UBE2H: variants seen among roughly 807,000 people sequenced by gnomAD.
The protein encoded by UBE2H is ubiquitin-conjugating enzyme E2 H.
Under a neutral mutation model 29.0 loss-of-function variants are expected in UBE2H, and 3 were observed. The observed-to-expected ratio is 0.10, with a 90% CI of 0.05 to 0.27. The LOEUF (loss-of-function observed/expected upper bound fraction) is 0.27. Ranked by LOEUF, UBE2H falls within the 10% of genes least tolerant of loss-of-function variation. The pLI is 1.00. For synonymous variants in UBE2H, 69 were observed against 82.9 expected (o/e 0.83, Z 0.91); for missense variants, 68 against 228.2 (o/e 0.30, Z 4.52).
intron 6 of UBE2H, among the ~76,000 whole-genome samples, chr7:129,836,908 AAAAGG>A (rs1327146671): frequency 6.9e-6 from 1 of 144,832 alleles, no homozygotes; most frequent in Non-Finnish European, 1.5e-5. Flanking sequence ...AAAAAAAAAA[AAAAGG>A]AGTAAGGGCA....
chr7:129,949,153 G>A (rs903238471), intron 1 of UBE2H: 2 of 361,702 alleles, frequency 5.5e-6, no homozygotes, highest in Admixed American at 3.2e-5. Context: ...GGTGAGACGA[G>A]TAACCCCCAC....
chr7:129,872,915 A>G (rs1203952814), intron 3 of UBE2H, among the ~76,000 whole-genome samples: 1 of 141,120 alleles, frequency 7.1e-6, no homozygotes, highest in Non-Finnish European at 1.5e-5. Context: ...CCAGACTGGG[A>G]GATTTAAGAG....
intron 1 of UBE2H, among the ~76,000 whole-genome samples, chr7:129,885,532 C>T (rs765867996): frequency 1.3e-5 from 2 of 152,142 alleles, no homozygotes; most frequent in African/African-American, 2.4e-5. Context: ...TCCATACTTA[C>T]GTGTATTTTA....
At chr7:129,914,268 A>G in intron 1 of UBE2H, among the ~76,000 whole-genome samples, 1 of 152,082 alleles carries the variant, frequency 6.6e-6, no homozygotes, top group African/African-American at 2.4e-5. Context: ...CCCAGGTTCA[A>G]GCGATTCTCC....
At chr7:129,941,017 C>A (rs2116516887) in intron 1 of UBE2H, among the ~76,000 whole-genome samples, 1 of 151,992 alleles carries the variant, frequency 6.6e-6, no homozygotes, top group African/African-American at 2.4e-5. Flanking sequence ...TACAATGGCA[C>A]CATCTCAGCT....
Position 129,870,853 on chromosome 7 carries a change from GGCC to G in UBE2H, c.205+8712_205+8714del, listed in dbSNP as rs1466635116. Among the ~76,000 whole-genome samples, 253 of 152,306 alleles carry G rather than the reference GGCC, an allele frequency of 1.7e-3. 2 individuals carry two copies. Among genetic ancestry groups the G allele is most frequent in the African/African-American group, 5.8e-3 (241 of 41,560 alleles). On this transcript the variant is annotated intron_variant, in intron 3 of 6. Transcript: ENST00000355621. ...GTGAACTCAACCCTGCCTGCCACTT[GGCC>G]CGTGTGTCACACACCTCACATTTTA...
intron 3 of UBE2H, among the ~76,000 whole-genome samples, chr7:129,868,898 T>C (rs2727465): frequency 0.95 from 142,645 of 150,760 alleles, 67,886 homozygotes; most frequent in East Asian, 1. Flanking sequence ...GGTGACAATA[T>C]AGACCATACT....
intron 1 of UBE2H, among the ~76,000 whole-genome samples, chr7:129,922,668 TGA>T (rs1468429849): frequency 6.6e-6 from 1 of 152,202 alleles, no homozygotes; most frequent in East Asian, 1.9e-4. Context: ...GCCAAAAATA[TGA>T]GATAGCAAAT....
intron 1 of UBE2H, among the ~76,000 whole-genome samples, chr7:129,934,721 T>C (rs947866691): frequency 6.7e-6 from 1 of 149,580 alleles, no homozygotes; most frequent in Non-Finnish European, 1.5e-5. Context: ...AAAGGAGTAA[T>C]TTCAACTGCT....
intron 4 of UBE2H, 55 bp downstream of exon 4, chr7:129,858,847 C>T: frequency 1.3e-6 from 2 of 1,516,772 alleles, no homozygotes; most frequent in Non-Finnish European, 1.8e-6. Flanking sequence ...CACAGAGAAA[C>T]ACTAATCATG....
chr7:129,930,909 C>CAAAA (rs71175050), intron 1 of UBE2H, among the ~76,000 whole-genome samples: 1,666 of 34,136 alleles, frequency 0.049, 95 homozygotes, highest in Admixed American at 0.083. Context: ...CCCCGTCTCA[C>CAAAA]AAAAAAAAAA....
At chr7:129,845,761 C>A (rs2116283669) in intron 5 of UBE2H, among the ~76,000 whole-genome samples, 1 of 152,348 alleles carries the variant, frequency 6.6e-6, no homozygotes, top group African/African-American at 2.4e-5. Flanking sequence ...GACCACAAGT[C>A]TAATCTCAGG....
At chr7:129,940,725 C>T (rs1206103913) in intron 1 of UBE2H, among the ~76,000 whole-genome samples, 1 of 152,152 alleles carries the variant, frequency 6.6e-6, no homozygotes, top group African/African-American at 2.4e-5. Context: ...GGCAGATACC[C>T]CCTTGAGCAC....
rs1448806437 is a variant in UBE2H, at chr7:129,834,482, C to T, written c.*455G>A. 2.6e-5 allele frequency: 4 copies of T among 155,998 alleles called. No homozygotes were observed. The highest frequency in any genetic ancestry group is 4.3e-5 in the Non-Finnish European group (3 of 70,434). The allele number at this position is 155,998 out of a possible 1,614,324, so 9.7% of individuals were successfully genotyped here. On this transcript the variant is annotated 3_prime_UTR_variant, in exon 7 of 7. Coordinates refer to ENST00000355621, the MANE Select transcript of UBE2H (RefSeq NM_003344.4). ...TGGCTCCGATGCCCCCACAGCAGGC[C>T]TCTTCCTCCCCAAGTTTTTCCTCTC...
At chr7:129,847,948 T>G (rs137964153) in intron 5 of UBE2H, among the ~76,000 whole-genome samples, 166 of 152,340 alleles carry the variant, frequency 1.1e-3, no homozygotes, top group African/African-American at 3.6e-3. Flanking sequence ...TCCCCTGGCA[T>G]GTAACTATGT....
intron 3 of UBE2H, among the ~76,000 whole-genome samples, chr7:129,878,895 C>T (rs180791810): frequency 1.1e-3 from 168 of 147,324 alleles, no homozygotes; most frequent in African/African-American, 3.7e-3. Flanking sequence ...AACTAAATTA[C>T]TACCATTCTA....
intron 1 of UBE2H, among the ~76,000 whole-genome samples, chr7:129,933,904 C>T (rs959662374): frequency 2.0e-5 from 3 of 152,228 alleles, no homozygotes; most frequent in Non-Finnish European, 4.4e-5. Context: ...TTACTCTGAT[C>T]TCAGCACCTT....
intron 5 of UBE2H, chr7:129,857,194 T>C (rs1348666849): frequency 4.0e-6 from 1 of 249,908 alleles, no homozygotes; most frequent in African/African-American, 2.2e-5. Context: ...AATATGTATA[T>C]ATTATGTGCT....
intron 1 of UBE2H, among the ~76,000 whole-genome samples, chr7:129,882,830 G>A (rs938924678): frequency 5.9e-5 from 9 of 152,142 alleles, no homozygotes; most frequent in South Asian, 2.1e-4. Flanking sequence ...CTTGTGTCAC[G>A]TAAAAAAAGG....
Sources: allele counts gnomAD v4.1 joint callset (sites outside exome capture counted in the v4.1 genomes callset), GRCh38; gene constraint gnomAD v4.1.1; transcripts MANE v1.5; gene names NCBI Gene and HGNC (gene_info 2026-07-23, HGNC 2026-07-21).